IRAG2: variants seen among roughly 807,000 people sequenced by gnomAD.
IRAG2 encodes lymphoid restricted membrane protein.
IRAG2 carries 45 observed loss-of-function variants against 69.9 expected under a neutral mutation model. The observed-to-expected ratio is 0.64, with a 90% CI of 0.51 to 0.83. The LOEUF is 0.83. Ranked by LOEUF, IRAG2 falls within the 40% of genes least tolerant of loss-of-function variation. The probability of loss-of-function intolerance (pLI) is 0.00; values close to 1 mark genes in which losing one functional copy is unlikely to be tolerated. For missense variants in IRAG2, 520 were observed against 587.0 expected (o/e 0.89, Z 1.18); for synonymous variants, 193 against 202.4 (o/e 0.95, Z 0.40).
intron 16 of IRAG2, 142 bp downstream of exon 16, chr12:25,101,467 T>C (rs904722195): frequency 4.1e-5 from 25 of 607,942 alleles, no homozygotes; most frequent in Non-Finnish European, 6.1e-5. Context: ...GTTATTTATA[T>C]AGCTAAAAGT....
chr12:25,004,688 G>A, exon 1 of IRAG2: 1 of 1,232,094 alleles, frequency 8.1e-7, no homozygotes, highest in Non-Finnish European at 1.0e-6. Context: ...ATTCTCACAA[G>A]TTCTGAAAAC....
At chr12:25,066,322 C>G in intron 4 of IRAG2, 43 bp from the exon 5 acceptor site, 1 of 400,410 alleles carries the variant, frequency 2.5e-6, no homozygotes, top group Non-Finnish European at 4.4e-6. Context: ...TAGTTTGAAC[C>G]AGAAATTGGT....
At chr12:25,076,455 G>A (rs1946695716) in intron 6 of IRAG2, 1 of 982,990 alleles carries the variant, frequency 1.0e-6, no homozygotes, top group Non-Finnish European at 1.2e-6. Flanking sequence ...ACATAATGGA[G>A]GCAAACTGTA....
At chr12:25,099,321 C>T (rs1367600858) in intron 15 of IRAG2, among the ~76,000 whole-genome samples, 1 of 152,208 alleles carries the variant, frequency 6.6e-6, no homozygotes, top group Non-Finnish European at 1.5e-5. Flanking sequence ...TCAAGGGCAG[C>T]TCTGTCCTTT....
chr12:25,094,559 G>A (rs899143562), intron 14 of IRAG2, among the ~76,000 whole-genome samples: 6 of 152,042 alleles, frequency 3.9e-5, no homozygotes, highest in African/African-American at 4.8e-5. Flanking sequence ...GGTCCCTTTA[G>A]ATTCCATATG....
chr12:25,015,282 G>A, intron 4 of IRAG2: 1 of 1,230,754 alleles, frequency 8.1e-7, no homozygotes, highest in Non-Finnish European at 1.0e-6. Context: ...GTTTCTTCAG[G>A]ATTGTTCTGT....
At chr12:25,042,061 C>A (rs1051883200) in intron 16 of IRAG2, among the ~76,000 whole-genome samples, 2 of 151,610 alleles carry the variant, frequency 1.3e-5, no homozygotes, top group African/African-American at 4.9e-5. Context: ...AAGTTATAGA[C>A]TTAGGAACTA....
chr12:25,035,793 G>A (rs571665194), intron 14 of IRAG2: 11 of 398,968 alleles, frequency 2.8e-5, no homozygotes, highest in African/African-American at 8.2e-5. Flanking sequence ...AGCTGGTATC[G>A]TATAACATAC....
chr12:25,040,514 A>G (rs1029566061), intron 16 of IRAG2, among the ~76,000 whole-genome samples: 29 of 152,272 alleles, frequency 1.9e-4, no homozygotes, highest in African/African-American at 6.7e-4. Context: ...TCTTAAAAAA[A>G]AAGAGAGAGA....
At chr12:25,044,848 G>T (rs534234519) in intron 16 of IRAG2, among the ~76,000 whole-genome samples, 1 of 152,038 alleles carries the variant, frequency 6.6e-6, no homozygotes, top group Non-Finnish European at 1.5e-5. Flanking sequence ...TTCAATAATG[G>T]ATAGAACATT....
intron 3 of IRAG2, chr12:25,015,088 GAAAAAAAAAAA>G: frequency 1.1e-3 from 58 of 50,884 alleles, no homozygotes; most frequent in Middle Eastern, 0.015. Context: ...GCATAAATCT[GAAAAAAAAAAA>G]AAAAAAAAAA....
At chr12:25,089,998 C>A in intron 13 of IRAG2, 59 bp from the exon 14 acceptor site, 1 of 1,547,432 alleles carries the variant, frequency 6.5e-7, no homozygotes, top group Non-Finnish European at 8.9e-7. Context: ...TAAACTGAAA[C>A]ATCTGACCAC....
intron 15 of IRAG2, 35 bp downstream of exon 15, chr12:25,097,079 T>A: frequency 6.4e-7 from 1 of 1,553,084 alleles, no homozygotes; most frequent in Non-Finnish European, 8.7e-7. Context: ...TAGAATGAAA[T>A]TACAAAAAAG....
rs780153317 is a variant in IRAG2 at position 25,107,050 on chromosome 12, T to TGTAA, written c.1256+3_1256+6dup. The TGTAA allele has an allele frequency of 9.7e-6, 15 of 1,543,528 alleles. No individual in the cohort carries two copies. Among genetic ancestry groups the TGTAA allele is most frequent in the Middle Eastern group, 3.4e-4 (2 of 5,902 alleles). On this transcript the variant is annotated stop_gained and frameshift_variant and splice_region_variant. Coordinates refer to ENST00000556887, the MANE Select transcript of IRAG2 (RefSeq NM_001366544.2). LOFTEE classifies it high-confidence loss of function. ...CCATCAAAGTGGGATGTCTCTTCAG[T>TGTAA]GTAAGTTATCTACTTGATAAATTCT...
At position 25,100,000 on chromosome 12, in the gene IRAG2, GAAAAAAAA is replaced by G. The variant is rs56728551; in HGVS notation, c.742-1160_742-1153del. ...GGGCAACAAGAGTGAGACTCCATCTGAAAAAAAAAAAAAAAAAAAAAAAAATGGGCAAA... is the reference window on the plus strand; with the variant it reads ...GGGCAACAAGAGTGAGACTCCATCTGAAAAAAAAAAAAAAAAATGGGCAAA... On this transcript the variant is annotated intron_variant, in intron 15 of 21. Transcript: ENST00000556887. Among the ~76,000 whole-genome samples the G allele has an allele frequency of 4.4e-3, 112 of 25,676 alleles. 2 individuals carry two copies. Among genetic ancestry groups the G allele is most frequent in the African/African-American group, 0.021 (74 of 3,488 alleles). The allele number at this position is 25,676 out of a possible 152,430, so 16.8% of individuals were successfully genotyped here. A position where few individuals can be genotyped will look rare whatever the true frequency, so the allele number is the denominator to read the frequency against.
intron 1 of IRAG2, among the ~76,000 whole-genome samples, chr12:25,053,372 T>G (rs956337409): frequency 6.6e-6 from 1 of 152,120 alleles, no homozygotes; most frequent in Admixed American, 6.6e-5. Flanking sequence ...CTCGTCTATT[T>G]TCTTTGGAAA....
intron 21 of IRAG2, 138 bp downstream of exon 21, chr12:25,107,188 T>A (rs1949225937): frequency 2.3e-6 from 1 of 437,994 alleles, no homozygotes. Flanking sequence ...AAACTTTGTA[T>A]GTCAGGTTAT....
At chr12:25,107,618 A>ATCATT (rs1238394177) in intron 21 of IRAG2, among the ~76,000 whole-genome samples, 199 bp from the exon 22 acceptor site, 3 of 149,520 alleles carry the variant, frequency 2.0e-5, no homozygotes, top group Non-Finnish European at 4.5e-5. Context: ...ATCGTAGCAC[A>ATCATT]TCATTTCTTT....
Position 25,004,571 on chromosome 12 carries a change from C to A in IRAG2, c.230C>A (p.Ser77Ter). The A allele has an allele frequency of 8.1e-7, 1 of 1,232,082 alleles. No homozygotes were observed. Among genetic ancestry groups the A allele is most frequent in the South Asian group, 4.1e-5 (1 of 24,298 alleles). 76.3% of individuals were successfully genotyped at this position (1,232,082 alleles called of 1,614,324 possible). Reference sequence around the variant, plus strand: ...GTTCCTACGCCCGGCTCTCATTGGTCAAGTTCTGAGGAAGTCGATGCCTTC... The same window carrying A: ...GTTCCTACGCCCGGCTCTCATTGGTAAAGTTCTGAGGAAGTCGATGCCTTC... Residue 77 changes from serine to a stop codon, truncating the protein, a stop_gained, in exon 1 of 39, where the codon TCA (serine) becomes TAA (stop). Transcript: ENST00000636465. LOFTEE classifies it high-confidence loss of function.
Sources: allele counts gnomAD v4.1 joint callset (sites outside exome capture counted in the v4.1 genomes callset), GRCh38; gene constraint gnomAD v4.1.1; transcripts MANE v1.5; gene names NCBI Gene and HGNC (gene_info 2026-07-23, HGNC 2026-07-21).